Variants in PI4KA observed in about 807,000 individuals in gnomAD.
PI4KA encodes phosphatidylinositol 4-kinase alpha.
PI4KA carries 122 observed loss-of-function variants against 271.4 expected under a neutral mutation model. The ratio of observed to expected loss-of-function variants is 0.45; its 90% CI spans 0.39 to 0.52. The LOEUF (loss-of-function observed/expected upper bound fraction) is 0.52. PI4KA is among the 20% of genes least tolerant of loss of function. The probability of loss-of-function intolerance (pLI) is 0.00; values close to 1 mark genes in which losing one functional copy is unlikely to be tolerated. For synonymous variants in PI4KA, 1,041 were observed against 1,078.8 expected (o/e 0.96, Z 0.69); for missense variants, 1,969 against 2,769.1 (o/e 0.71, Z 6.48).
rs148866822 is a variant in PI4KA, at chr22:20,763,589, G to A, written c.2708+1228C>T. On this transcript the variant is annotated intron_variant, in intron 22 of 54. Coordinates refer to ENST00000255882, the MANE Select transcript of PI4KA (RefSeq NM_058004.4). ...TGAGTAGCTGGGACTATAGGCACCC[G>A]CCACCACATCTGGCTAATTTTTGTA... is the stretch of plus-strand genomic sequence containing the variant. 7.1e-3 allele frequency among the ~76,000 whole-genome samples: 1,076 copies of A among 151,944 alleles called. 17 individuals carry two copies. Among genetic ancestry groups the A allele is most frequent in the African/African-American group, 0.024 (976 of 41,414 alleles).
At chr22:20,846,400 AT>A (rs1027942273) in intron 1 of PI4KA, among the ~76,000 whole-genome samples, 29 of 151,984 alleles carry the variant, frequency 1.9e-4, no homozygotes, top group African/African-American at 4.6e-4. Context: ...TTAAAAAAAA[AT>A]AATAAAGAAA....
At chr22:20,797,325 C>A (rs1358734184) in intron 17 of PI4KA, among the ~76,000 whole-genome samples, 1 of 152,130 alleles carries the variant, frequency 6.6e-6, no homozygotes, top group Non-Finnish European at 1.5e-5. Flanking sequence ...GCAGGTGCTA[C>A]AGACACAGGG....
intron 17 of PI4KA, 143 bp downstream of exon 17, chr22:20,798,440 CT>C (rs111373290): frequency 1.2e-5 from 8 of 649,104 alleles, no homozygotes; most frequent in African/African-American, 3.6e-5. Flanking sequence ...TGGGTTTTCA[CT>C]TCCCCCCTTA....
intron 19 of PI4KA, among the ~76,000 whole-genome samples, chr22:20,791,137 G>A (rs1934620263): frequency 6.6e-6 from 1 of 152,174 alleles, no homozygotes. Context: ...AGTGCAAAGT[G>A]CCCGACAGAT....
intron 22 of PI4KA, among the ~76,000 whole-genome samples, chr22:20,763,399 T>C (rs967153507): frequency 8.6e-5 from 13 of 151,386 alleles, no homozygotes; most frequent in Non-Finnish European, 1.5e-5. Context: ...AGTGAGCCAC[T>C]GCAACCGGCC....
chr22:20,715,219 T>A (rs1172010089), intron 45 of PI4KA, among the ~76,000 whole-genome samples: 1 of 151,806 alleles, frequency 6.6e-6, no homozygotes, highest in Non-Finnish European at 1.5e-5. Context: ...TATAGGCGCC[T>A]GTCACCATGC....
chr22:20,832,756 G>T (rs756269688), intron 3 of PI4KA, among the ~76,000 whole-genome samples: 2 of 152,020 alleles, frequency 1.3e-5, no homozygotes, highest in African/African-American at 2.4e-5. Context: ...TGCCCGGCCG[G>T]TTTTTTCTTA....
chr22:20,750,099 C>T (rs1023372668), intron 27 of PI4KA, 105 bp from the exon 28 acceptor site: 28 of 733,706 alleles, frequency 3.8e-5, no homozygotes, highest in Non-Finnish European at 5.4e-5. Flanking sequence ...CCCTATGCTG[C>T]GCCTTAACTG....
chr22:20,833,694 G>A (rs1204922069), intron 3 of PI4KA, among the ~76,000 whole-genome samples: 1 of 136,918 alleles, frequency 7.3e-6, no homozygotes, highest in Non-Finnish European at 1.5e-5. Flanking sequence ...GGAGTCTCGT[G>A]CTGTCGCCCA....
intron 23 of PI4KA, among the ~76,000 whole-genome samples, chr22:20,756,348 GTAGGTGGGATT>G (rs762955925): frequency 3.5e-3 from 534 of 151,942 alleles, no homozygotes; most frequent in Non-Finnish European, 6.1e-3. Context: ...AGCCTCCCGA[GTAGGTGGGATT>G]ACAGGCATGC....
intron 1 of PI4KA, among the ~76,000 whole-genome samples, chr22:20,857,292 C>T (rs41281581): frequency 2.2e-3 from 330 of 152,334 alleles, no homozygotes; most frequent in Non-Finnish European, 3.8e-3. Context: ...TTGCATTGTA[C>T]TCCCTCTTTA....
intron 19 of PI4KA, among the ~76,000 whole-genome samples, chr22:20,770,124 G>C (rs1017504634): frequency 6.6e-6 from 1 of 151,880 alleles, no homozygotes; most frequent in African/African-American, 2.4e-5. Context: ...ATAGCTCACT[G>C]TACATACTCA....
rs117680768 is a variant in PI4KA at position 20,852,666 on chromosome 22, C to T, written c.156+5904G>A. 1.8e-3 allele frequency among the ~76,000 whole-genome samples: 275 copies of T among 152,268 alleles called. 1 individual carries two copies. Among genetic ancestry groups the T allele is most frequent in the East Asian group, 9.2e-3 (48 of 5,192 alleles). ...TCATTATCTCTCTCCTCTCGCTCTA[C>T]GGATGGCTCTTCTTAACATAGCCTC... On this transcript the variant is annotated intron_variant, in intron 1 of 54. Coordinates refer to ENST00000255882, the MANE Select transcript of PI4KA (RefSeq NM_058004.4).
chr22:20,843,649 C>G (rs1400558981), intron 1 of PI4KA, among the ~76,000 whole-genome samples: 1 of 151,684 alleles, frequency 6.6e-6, no homozygotes, highest in Non-Finnish European at 1.5e-5. Context: ...AGAGGTTGCA[C>G]AGATGCAACC....
chr22:20,780,146 G>A (rs1342593244), intron 19 of PI4KA: 9 of 1,614,178 alleles, frequency 5.6e-6, no homozygotes, highest in Non-Finnish European at 7.6e-6. Context: ...AAGATGCTCT[G>A]GAGAATATAG....
rs756238625 is a variant in PI4KA, at chr22:20,807,325, T to C, written c.1168+37A>G. The C allele has an allele frequency of 3.1e-6, 4 of 1,293,844 alleles. No homozygotes were observed. The South Asian group carries it at 4.7e-5, about 15-fold the overall frequency. 80.1% of individuals were successfully genotyped at this position (1,293,844 alleles called of 1,614,324 possible). ...GCGACAGTGGCCTGGGAGCCAGTCT[T>C]GCTGTACTCACAAACACATGGGCAA... On this transcript the variant is annotated intron_variant, in intron 10 of 54. Coordinates refer to ENST00000255882, the MANE Select transcript of PI4KA (RefSeq NM_058004.4).
intron 22 of PI4KA, among the ~76,000 whole-genome samples, chr22:20,762,043 T>A (rs1425996943): frequency 6.6e-6 from 1 of 152,214 alleles, no homozygotes; most frequent in Non-Finnish European, 1.5e-5. Context: ...TGTTTTCTCT[T>A]CTCTTTTTTG....
chr22:20,790,973 GAT>G (rs1230915474), intron 19 of PI4KA, among the ~76,000 whole-genome samples: 2 of 152,144 alleles, frequency 1.3e-5, no homozygotes, highest in Non-Finnish European at 2.9e-5. Flanking sequence ...AGCTATCACA[GAT>G]AACAGTTCTG....
intron 42 of PI4KA, among the ~76,000 whole-genome samples, chr22:20,722,465 T>G (rs5760196): frequency 0.45 from 68,388 of 151,640 alleles, 15,563 homozygotes; most frequent in East Asian, 0.53. Context: ...GGAATTACAG[T>G]TATGAGCCAC....
Sources: allele counts gnomAD v4.1 joint callset (sites outside exome capture counted in the v4.1 genomes callset), GRCh38; gene constraint gnomAD v4.1.1; transcripts MANE v1.5; gene names NCBI Gene and HGNC (gene_info 2026-07-23, HGNC 2026-07-21).